The following GALC variants were observed in gnomAD, a reference collection of about 807,000 sequenced individuals.
GALC encodes the protein galactosylceramidase, also known as galactocerebrosidase.
In GALC, 77 loss-of-function variants were observed where a neutral mutation model predicts 91.8. The ratio of observed to expected loss-of-function variants is 0.84; its 90% CI spans 0.70 to 1.01. The LOEUF (loss-of-function observed/expected upper bound fraction) is 1.01, where lower values mean the gene tolerates loss of function less well. GALC is among the 50% of genes least tolerant of loss of function. GALC has a pLI of 0.00. For missense variants in GALC, 882 were observed against 855.9 expected (o/e 1.03, Z -0.38); for synonymous variants, 357 against 306.7 (o/e 1.16, Z -1.71).
intron 6 of GALC, chr14:87,981,192 G>T (rs1886733016): frequency 6.6e-6 from 1 of 152,256 alleles, no homozygotes; most frequent in African/African-American, 2.4e-5. Context: ...TATTCTAAGT[G>T]AAGCAACTCA....
At chr14:87,941,250 T>TAAG in intron 15 of GALC, 145 bp downstream of exon 15, 1 of 644,642 alleles carries the variant, frequency 1.6e-6, no homozygotes, top group Non-Finnish European at 2.7e-6. Context: ...GTAAACTATT[T>TAAG]GGTATTTGCT....
At chr14:87,936,979 T>C (rs1198761187) in intron 16 of GALC, among the ~76,000 whole-genome samples, 1 of 147,502 alleles carries the variant, frequency 6.8e-6, no homozygotes, top group Admixed American at 6.9e-5. Flanking sequence ...ATGGGAAAAT[T>C]GAAGCTGTGC....
intron 4 of GALC, among the ~76,000 whole-genome samples, chr14:87,985,708 A>C (rs1886940542): frequency 6.6e-6 from 1 of 152,264 alleles, no homozygotes; most frequent in Admixed American, 6.5e-5. Context: ...AATTTCATTT[A>C]ACTTAGTTTG....
At chr14:87,992,342 G>GA in intron 1 of GALC, 1 of 1,535,702 alleles carries the variant, frequency 6.5e-7, no homozygotes. Flanking sequence ...GGCCCAGAGG[G>GA]AGTACCCGGT....
chr14:87,969,370 T>C (rs1886186933), intron 7 of GALC, among the ~76,000 whole-genome samples: 1 of 152,200 alleles, frequency 6.6e-6, no homozygotes, highest in South Asian at 2.1e-4. Flanking sequence ...AATGCCTCCT[T>C]CACTCTATCA....
chr14:87,983,653 T>G (rs568016211), intron 5 of GALC, among the ~76,000 whole-genome samples: 366 of 152,312 alleles, frequency 2.4e-3, no homozygotes, highest in Admixed American at 6.1e-3. Flanking sequence ...AATAAGCAAA[T>G]GATTATGGAG....
rs56194647 is a variant in GALC, at chr14:87,986,534, A to G, written c.397T>C (p.Leu133=). The change falls in exon 4 of 17, where the codon TTG becomes CTG. Residue 133 remains leucine (L), a synonymous_variant. Coordinates refer to ENST00000261304, the MANE Select transcript of GALC (RefSeq NM_000153.4). The stretch of plus-strand genomic sequence containing the variant: ...TTCCTCTTCTTAGCTTCTTTCATCA[A>G]CCACCACTCGTATCCTCGGAAATAA... ...ENYFRGYEWW[L]MKEAKKRNPN... is the part of the protein sequence containing the mutation. 4.6e-3 allele frequency: 7,449 copies of G among 1,613,542 alleles called. 280 individuals carry two copies. The African/African-American group carries it at 0.084, about 18-fold the overall frequency.
intron 12 of GALC, among the ~76,000 whole-genome samples, chr14:87,949,504 G>A (rs939850217): frequency 6.6e-6 from 1 of 152,000 alleles, no homozygotes; most frequent in Non-Finnish European, 1.5e-5. Flanking sequence ...AAATCCAGGA[G>A]AGCGATAATG....
At chr14:87,938,284 G>A (rs1301162543) in intron 16 of GALC, among the ~76,000 whole-genome samples, 2 of 151,982 alleles carry the variant, frequency 1.3e-5, no homozygotes, top group African/African-American at 4.8e-5. Context: ...TGTGATGTCA[G>A]CTTGGGATAA....
intron 16 of GALC, 118 bp from the exon 17 acceptor site, chr14:87,934,996 T>C (rs1258911467): frequency 2.7e-6 from 2 of 727,470 alleles, no homozygotes; most frequent in Non-Finnish European, 4.8e-6. Flanking sequence ...ACTCAAGACT[T>C]AACCACAGCA....
chr14:87,940,023 A>T, intron 15 of GALC, 42 bp from the exon 16 acceptor site: 1 of 1,461,362 alleles, frequency 6.8e-7, no homozygotes, highest in South Asian at 1.1e-5. Context: ...TAATTTTGAG[A>T]TCTCAATCAC....
At chr14:87,962,635 A>T (rs1885857858) in intron 10 of GALC, among the ~76,000 whole-genome samples, 3 of 149,600 alleles carry the variant, frequency 2.0e-5, no homozygotes, top group Non-Finnish European at 1.5e-5. Flanking sequence ...CATTTTTTTA[A>T]GGCTACTCTG....
chr14:87,941,840 C>G (rs1025353305), intron 14 of GALC, among the ~76,000 whole-genome samples: 10 of 151,812 alleles, frequency 6.6e-5, no homozygotes, highest in African/African-American at 2.4e-4. Context: ...TACAATAAAA[C>G]AACTTCTCAT....
chr14:87,952,155 A>G (rs1348497524), intron 10 of GALC, among the ~76,000 whole-genome samples: 1 of 151,894 alleles, frequency 6.6e-6, no homozygotes, highest in Non-Finnish European at 1.5e-5. Flanking sequence ...ACAAAAACAA[A>G]TTTAAAAACC....
intron 7 of GALC, among the ~76,000 whole-genome samples, chr14:87,972,666 C>A (rs1886343706): frequency 6.6e-6 from 1 of 151,580 alleles, no homozygotes; most frequent in South Asian, 2.1e-4. Flanking sequence ...GAAATGAAGG[C>A]TAAACTAGAA....
intron 10 of GALC, among the ~76,000 whole-genome samples, chr14:87,959,113 G>C (rs1018097225): frequency 6.6e-6 from 1 of 152,046 alleles, no homozygotes; most frequent in African/African-American, 2.4e-5. Context: ...ACTATGTAAA[G>C]AACTTAAACA....
At chr14:87,993,479 A>G (rs1032331319), upstream of GALC, 2 of 1,535,276 alleles carry the variant, frequency 1.3e-6, no homozygotes, top group Admixed American at 3.9e-5. Flanking sequence ...GAGTGGCCCT[A>G]CCATGGCTCT....
intron 6 of GALC, among the ~76,000 whole-genome samples, chr14:87,981,004 T>A (rs910261453): frequency 4.6e-5 from 7 of 152,148 alleles, no homozygotes; most frequent in African/African-American, 1.7e-4. Flanking sequence ...TTCCTCTGGG[T>A]AGATACCCAG....
intron 7 of GALC, among the ~76,000 whole-genome samples, chr14:87,970,875 CAAAAAA>C (rs557589251): frequency 4.8e-4 from 30 of 62,938 alleles, no homozygotes; most frequent in African/African-American, 6.3e-4. Flanking sequence ...GACTCTGTCT[CAAAAAA>C]AAAAAAAAAA....
Sources: allele counts gnomAD v4.1 joint callset (sites outside exome capture counted in the v4.1 genomes callset), GRCh38; gene constraint gnomAD v4.1.1; transcripts MANE v1.5; gene names NCBI Gene and HGNC (gene_info 2026-07-23, HGNC 2026-07-21).